NECAP1: variants seen among roughly 807,000 people sequenced by gnomAD.
The protein encoded by NECAP1 is NECAP endocytosis associated 1.
Under a neutral mutation model 33.4 loss-of-function variants are expected in NECAP1, and 13 were observed. The observed-to-expected ratio is 0.39, with a 90% confidence interval of 0.25 to 0.62. The LOEUF is 0.62. Ranked by LOEUF, NECAP1 falls within the 20% of genes least tolerant of loss-of-function variation. NECAP1 has a pLI of 0.52. For synonymous variants in NECAP1, 109 were observed against 125.2 expected (o/e 0.87, Z 0.86); for missense variants, 272 against 347.4 (o/e 0.78, Z 1.73).
rs71042328 is a variant in NECAP1, at chr12:8,083,421, CTTTTTTT to C, written c.95+1058_95+1064del. ...CAGTTACAAATACTATTTGTTTGTT[CTTTTTTT>C]TTTTTTTTTTTTTTTTTTTGAGATG... On this transcript the variant is annotated intron_variant, in intron 1 of 7. Coordinates refer to ENST00000339754, the MANE Select transcript of NECAP1 (RefSeq NM_015509.4). 3.3e-4 allele frequency among the ~76,000 whole-genome samples: 22 copies of C among 65,844 alleles called. No homozygotes were observed. In the East Asian group the frequency reaches 8.9e-3, roughly 27 times the overall value. 43.2% of individuals were successfully genotyped at this position (65,844 alleles called of 152,430 possible).
chr12:8,091,159 A>G (rs1947540630), intron 3 of NECAP1: 1 of 153,098 alleles, frequency 6.5e-6, no homozygotes, highest in Non-Finnish European at 1.5e-5. Flanking sequence ...GATATTTCAC[A>G]TTCAGACTTT....
At chr12:8,085,465 CTG>C (rs1947479277) in intron 1 of NECAP1, among the ~76,000 whole-genome samples, 1 of 152,186 alleles carries the variant, frequency 6.6e-6, no homozygotes, top group African/African-American at 2.4e-5. Context: ...TGTTATCCTT[CTG>C]TGTTTTCCAT....
chr12:8,092,139 A>G (rs953785361), intron 4 of NECAP1: 2 of 416,432 alleles, frequency 4.8e-6, no homozygotes, highest in South Asian at 2.3e-5. Flanking sequence ...CTATGGTAAC[A>G]GCAGGGCTTT....
chr12:8,087,226 T>C (rs1947499787), intron 1 of NECAP1, among the ~76,000 whole-genome samples: 1 of 151,656 alleles, frequency 6.6e-6, no homozygotes, highest in Admixed American at 6.6e-5. Context: ...AGATGTACAT[T>C]TGGAATCTTA....
chr12:8,087,018 A>ATTTTT (rs1471621965), intron 1 of NECAP1, among the ~76,000 whole-genome samples: 33,903 of 144,214 alleles, frequency 0.24, 4,450 homozygotes, highest in East Asian at 0.38. Context: ...TTTTTTTAAA[A>ATTTTT]AAAAATTCTT....
At chr12:8,086,131 G>A (rs115320843) in intron 1 of NECAP1, among the ~76,000 whole-genome samples, 243 of 152,250 alleles carry the variant, frequency 1.6e-3, no homozygotes, top group African/African-American at 5.6e-3. Context: ...ATTATAAGCA[G>A]GATTTATTCT....
At chr12:8,087,087 T>A (rs1231688450) in intron 1 of NECAP1, among the ~76,000 whole-genome samples, 1 of 152,076 alleles carries the variant, frequency 6.6e-6, no homozygotes, top group African/African-American at 2.4e-5. Context: ...TTCAGTGTAA[T>A]GAAAGAATAA....
chr12:8,090,382 T>A, intron 3 of NECAP1, 83 bp downstream of exon 3: 1 of 1,227,966 alleles, frequency 8.1e-7, no homozygotes, highest in East Asian at 2.3e-5. Flanking sequence ...CGATTGCATT[T>A]ATCTTTCTTT....
At chr12:8,095,777 A>G in intron 7 of NECAP1, 74 bp downstream of exon 7, 2 of 1,428,556 alleles carry the variant, frequency 1.4e-6, no homozygotes, top group Non-Finnish European at 2.0e-6. Flanking sequence ...GAAATCTTTG[A>G]TCTGGAGAAG....
At position 8,092,775 on chromosome 12, in the gene NECAP1, G is replaced by C. The variant is rs748571070; in HGVS notation, c.483G>C (p.Leu161Phe). ...LGFKEGQTIK[L>F]CIGNITNKKG... ...TCAAGGAAGGACAAACCATCAAGTT[G>C]TGTATCGGGGTGAGTATGGTTTTTA... Residue 161 changes from leucine to phenylalanine, a missense_variant, in exon 5 of 8, where the codon TTG becomes TTC. Transcript: ENST00000339754. 5.6e-6 allele frequency: 9 copies of C among 1,611,918 alleles called. No individual in the cohort carries two copies. The highest frequency in any genetic ancestry group is 5.9e-6 in the Non-Finnish European group (7 of 1,178,462).
At chr12:8,087,418 T>C (rs774147904) in intron 1 of NECAP1, among the ~76,000 whole-genome samples, 2 of 151,640 alleles carry the variant, frequency 1.3e-5, no homozygotes, top group Non-Finnish European at 2.9e-5. Context: ...TCTGCTGCCA[T>C]GAATATCCAT....
At chr12:8,083,728 CG>C (rs1345402824) in intron 1 of NECAP1, among the ~76,000 whole-genome samples, 13 of 109,864 alleles carry the variant, frequency 1.2e-4, no homozygotes, top group East Asian at 8.2e-4. Flanking sequence ...GCCCAGCCGT[CG>C]TTTTTTTTTT....
chr12:8,089,730 G>A (rs1218234645), intron 1 of NECAP1: 1 of 533,874 alleles, frequency 1.9e-6, no homozygotes, highest in African/African-American at 1.9e-5. Flanking sequence ...GGACTCCAAA[G>A]TCCTCAAGTA....
intron 3 of NECAP1, chr12:8,090,711 G>A (rs747679732): frequency 3.1e-5 from 5 of 162,368 alleles, no homozygotes; most frequent in Non-Finnish European, 6.8e-5. Flanking sequence ...GGGTGGCTGA[G>A]ACAGGAGAAT....
rs915530706 is a variant in NECAP1 at position 8,096,258 on chromosome 12, G to A, written c.*168G>A. 8 of 660,824 alleles carry A rather than the reference G, an allele frequency of 1.2e-5. No homozygotes were observed. The highest frequency in any genetic ancestry group is 1.8e-5 in the African/African-American group (1 of 55,326). 40.9% of individuals were successfully genotyped at this position (660,824 alleles called of 1,614,324 possible). A position where few individuals can be genotyped will look rare whatever the true frequency, so the allele number is the denominator to read the frequency against. Reference sequence around the variant, plus strand: ...TCAAGCTGGTTTATGTCACTCCCCTGTGTTGTTACTTGTACAGCCAAGAAA... The same window carrying A: ...TCAAGCTGGTTTATGTCACTCCCCTATGTTGTTACTTGTACAGCCAAGAAA... On this transcript the variant is annotated 3_prime_UTR_variant, in exon 8 of 8. Transcript: ENST00000339754.
At chr12:8,085,425 A>G (rs938598050) in intron 1 of NECAP1, among the ~76,000 whole-genome samples, 2 of 152,168 alleles carry the variant, frequency 1.3e-5, no homozygotes, top group African/African-American at 4.8e-5. Flanking sequence ...CTGAGCCATT[A>G]AAGCAGTTTC....
At chr12:8,085,654 A>T (rs189686874) in intron 1 of NECAP1, among the ~76,000 whole-genome samples, 2 of 148,258 alleles carry the variant, frequency 1.3e-5, no homozygotes, top group Non-Finnish European at 3.0e-5. Context: ...CTATAACAAT[A>T]CTTACCTTGT....
At chr12:8,094,127 T>G (rs1287147538) in intron 6 of NECAP1, among the ~76,000 whole-genome samples, 1 of 152,226 alleles carries the variant, frequency 6.6e-6, no homozygotes, top group Non-Finnish European at 1.5e-5. Flanking sequence ...AGGGTAAGCT[T>G]TCTCTTTCTG....
chr12:8,085,314 G>T (rs548839835), intron 1 of NECAP1, among the ~76,000 whole-genome samples: 2 of 152,094 alleles, frequency 1.3e-5, no homozygotes, highest in Non-Finnish European at 2.9e-5. Flanking sequence ...CACCGCACCC[G>T]GCCTACTTCA....
Sources: allele counts gnomAD v4.1 joint callset (sites outside exome capture counted in the v4.1 genomes callset), GRCh38; gene constraint gnomAD v4.1.1; transcripts MANE v1.5; gene names NCBI Gene and HGNC (gene_info 2026-07-23, HGNC 2026-07-21).